BPNT2: variants seen among roughly 807,000 people sequenced by gnomAD.
BPNT2 encodes 3'(2'), 5'-bisphosphate nucleotidase 2, also known as Golgi-resident adenosine 3',5'-bisphosphate 3'-phosphatase.
Under a neutral mutation model 29.3 loss-of-function variants are expected in BPNT2, and 11 were observed. The ratio of observed to expected loss-of-function variants is 0.38; its 90% CI spans 0.24 to 0.62. BPNT2 has a LOEUF of 0.62. Ranked by LOEUF, BPNT2 falls within the 20% of genes least tolerant of loss-of-function variation. The probability of loss-of-function intolerance (pLI) is 0.62; values close to 1 mark genes in which losing one functional copy is unlikely to be tolerated. For missense variants in BPNT2, 459 were observed against 473.4 expected, an observed-to-expected ratio of 0.97 and a Z score of 0.28; for synonymous variants, 195 against 187.7, an observed-to-expected ratio of 1.04 and a Z score of -0.32.
At chr8:56,981,173 A>G (rs777667421) in intron 1 of BPNT2, among the ~76,000 whole-genome samples, 2 of 152,174 alleles carry the variant, frequency 1.3e-5, no homozygotes, top group African/African-American at 4.8e-5. Flanking sequence ...GGACATTGTC[A>G]AGTGCGCCCC....
At position 56,958,860 on chromosome 8, in the gene BPNT2, ATAAACGTGCCCTCC is replaced by A. The variant is rs2129202450; in HGVS notation, c.*4919_*4932del. ...ATGGCACATGGAAATTAAAAAGTCCATAAACGTGCCCTCCTAACACGAGAATAAGAAAGGTGGCT... is the reference window on the plus strand; with the variant it reads ...ATGGCACATGGAAATTAAAAAGTCCATAACACGAGAATAAGAAAGGTGGCT... On this transcript the variant is annotated 3_prime_UTR_variant, in exon 5 of 5. Coordinates refer to ENST00000262644, the MANE Select transcript of BPNT2 (RefSeq NM_017813.5). The A allele has an allele frequency of 6.6e-6, 1 of 152,326 alleles. No homozygotes were observed. Among genetic ancestry groups the A allele is most frequent in the Non-Finnish European group, 1.5e-5 (1 of 68,026 alleles). The allele number at this position is 152,326 out of a possible 1,614,324, so 9.4% of individuals were successfully genotyped here. A position where few individuals can be genotyped will look rare whatever the true frequency, so the allele number is the denominator to read the frequency against.
At chr8:56,984,197 C>T (rs897574393) in intron 1 of BPNT2, among the ~76,000 whole-genome samples, 1 of 152,106 alleles carries the variant, frequency 6.6e-6, no homozygotes, top group Non-Finnish European at 1.5e-5. Context: ...TGAGTATGAG[C>T]GAACACATTA....
In BPNT2 at chr8:56,960,101, A is replaced by C. The variant is rs1404225708; in HGVS notation, c.*3692T>G. The C allele has an allele frequency of 6.6e-6, 1 of 152,222 alleles. No homozygotes were observed. The highest frequency in any genetic ancestry group is 1.5e-5 in the Non-Finnish European group (1 of 68,050). 9.4% of individuals were successfully genotyped at this position (152,222 alleles called of 1,614,324 possible). ...AGGTAGTTACAGCTAGAATAATTCC[A>C]ACAGTTCCTGTTTTAACCTGTCAGA... is the stretch of plus-strand genomic sequence containing the variant. On this transcript the variant is annotated 3_prime_UTR_variant, in exon 5 of 5. Coordinates refer to ENST00000262644, the MANE Select transcript of BPNT2 (RefSeq NM_017813.5).
At chr8:56,974,001 T>TCTC (rs1357789398) in intron 3 of BPNT2, among the ~76,000 whole-genome samples, 1 of 152,122 alleles carries the variant, frequency 6.6e-6, no homozygotes, top group South Asian at 2.1e-4. Flanking sequence ...CCTTTCTCTT[T>TCTC]CTCCTCCTCC....
intron 1 of BPNT2, among the ~76,000 whole-genome samples, chr8:56,987,026 G>A (rs1806337224): frequency 6.6e-6 from 1 of 151,958 alleles, no homozygotes; most frequent in Non-Finnish European, 1.5e-5. Flanking sequence ...GTGTATTTAG[G>A]CTAGTCTTTT....
chr8:56,958,649 C>G lies in BPNT2; in HGVS notation c.*5144G>C, dbSNP rs1270654464. 1.3e-5 allele frequency: 2 copies of G among 152,168 alleles called. No homozygotes were observed. The highest frequency in any genetic ancestry group is 4.8e-5 in the African/African-American group (2 of 41,432). 9.4% of individuals were successfully genotyped at this position (152,168 alleles called of 1,614,324 possible). A position where few individuals can be genotyped will look rare whatever the true frequency, so the allele number is the denominator to read the frequency against. On this transcript the variant is annotated 3_prime_UTR_variant, in exon 5 of 5. Coordinates refer to ENST00000262644, the MANE Select transcript of BPNT2 (RefSeq NM_017813.5). ...AAGAGGCAAGAACATAGATTGAAAA[C>G]TCCATTTCCTAGTTTTAGTGTAAAC...
At chr8:56,982,628 A>T (rs1194189270) in intron 1 of BPNT2, among the ~76,000 whole-genome samples, 5 of 150,936 alleles carry the variant, frequency 3.3e-5, no homozygotes, top group Non-Finnish European at 7.4e-5. Context: ...AGACACATGA[A>T]AAAACATGTA....
chr8:56,957,957 G>A lies in BPNT2; in HGVS notation c.*5836C>T, dbSNP rs2129202247. On this transcript the variant is annotated 3_prime_UTR_variant, in exon 5 of 5. Coordinates refer to ENST00000262644, the MANE Select transcript of BPNT2 (RefSeq NM_017813.5). ...CTTTTAGACATGACCAATTTATTCA[G>A]AGAATTCAAATTTCGTTTGGCAAAG... is the stretch of plus-strand genomic sequence containing the variant. 1 of 152,214 alleles carries A rather than the reference G, an allele frequency of 6.6e-6. No individual in the cohort carries two copies. The highest frequency in any genetic ancestry group is 1.5e-5 in the Non-Finnish European group (1 of 68,024). 9.4% of individuals were successfully genotyped at this position (152,214 alleles called of 1,614,324 possible).
chr8:56,966,279 A>G lies in BPNT2; in HGVS notation c.720T>C (p.Val240=). The part of the protein sequence containing the change: ...SSYNEKTPRI[V]VSRSHSGMVK... The stretch of plus-strand genomic sequence containing the variant: ...CCATCCCTGAATGGGAACGAGACAC[A>G]ACGATCCTTGGGGTCTTCTCATTGT... The change falls in exon 4 of 5, where the codon GTT becomes GTC. Residue 240 remains valine (V), a synonymous_variant. Transcript: ENST00000262644. 1 of 1,614,010 alleles carries G rather than the reference A, an allele frequency of 6.2e-7. No homozygotes were observed. The highest frequency in any genetic ancestry group is 8.5e-7 in the Non-Finnish European group (1 of 1,179,886).
rs755388160 is a variant in BPNT2, at chr8:56,961,536, CAA to C, written c.*2255_*2256del. On this transcript the variant is annotated 3_prime_UTR_variant, in exon 5 of 5. Transcript: ENST00000262644. ...TTTTGCACACAACACACACCCTTCA[CAA>C]AGTCATTATCTAGATGCAGATTAAT... 5.3e-5 allele frequency: 8 copies of C among 152,212 alleles called. No homozygotes were observed. The highest frequency in any genetic ancestry group is 1.9e-4 in the East Asian group (1 of 5,178). The allele number at this position is 152,212 out of a possible 1,614,324, so 9.4% of individuals were successfully genotyped here.
Position 56,959,366 on chromosome 8 carries a change from A to G in BPNT2, c.*4427T>C, listed in dbSNP as rs1464173519. 6.6e-6 allele frequency: 1 copy of G among 152,256 alleles called. No homozygotes were observed. Among genetic ancestry groups the G allele is most frequent in the African/African-American group, 2.4e-5 (1 of 41,476 alleles). The allele number at this position is 152,256 out of a possible 1,614,324, so 9.4% of individuals were successfully genotyped here. A position where few individuals can be genotyped will look rare whatever the true frequency, so the allele number is the denominator to read the frequency against. On this transcript the variant is annotated 3_prime_UTR_variant, in exon 5 of 5. Coordinates refer to ENST00000262644, the MANE Select transcript of BPNT2 (RefSeq NM_017813.5). ...GATGAAATAAAAATAAACGATTTACATAAGCAGTACCTGGTAAAACCAAAA... is the reference window on the plus strand; with the variant it reads ...GATGAAATAAAAATAAACGATTTACGTAAGCAGTACCTGGTAAAACCAAAA...
chr8:56,979,907 A>C, intron 2 of BPNT2, 128 bp downstream of exon 2: 1 of 812,080 alleles, frequency 1.2e-6, no homozygotes, highest in Non-Finnish European at 2.1e-6. Context: ...ACATTTTGCT[A>C]CTACTGTTAA....
Position 56,982,695 on chromosome 8 carries a change from T to C in BPNT2, c.388-2498A>G, listed in dbSNP as rs578083548. 1.6e-4 allele frequency among the ~76,000 whole-genome samples: 24 copies of C among 152,030 alleles called. No homozygotes were observed. The South Asian group carries it at 1.9e-3, about 12-fold the overall frequency. ...AAAGACCAAAAGGACAGAAAGAGTG[T>C]TGTTGGAGAGTAGAGAAAGGACTGT... On this transcript the variant is annotated intron_variant, in intron 1 of 4. Transcript: ENST00000262644.
rs566673601 is a variant in BPNT2 at position 56,963,180 on chromosome 8, T to C, written c.*613A>G. On this transcript the variant is annotated 3_prime_UTR_variant, in exon 5 of 5. Transcript: ENST00000262644. ...GAAATTATTACAATGCAAATCATCA[T>C]GTGTCTCTATTTTCTACCAGCTGGT... is the stretch of plus-strand genomic sequence containing the variant. 20 of 152,814 alleles carry C rather than the reference T, an allele frequency of 1.3e-4. No homozygotes were observed. The highest frequency in any genetic ancestry group is 4.8e-4 in the African/African-American group (20 of 41,568). 9.5% of individuals were successfully genotyped at this position (152,814 alleles called of 1,614,324 possible).
At chr8:56,981,390 C>A (rs534521902) in intron 1 of BPNT2, among the ~76,000 whole-genome samples, 2 of 152,192 alleles carry the variant, frequency 1.3e-5, no homozygotes, top group East Asian at 3.9e-4. Flanking sequence ...CATGGTAAAA[C>A]CCCATCTCTA....
intron 4 of BPNT2, among the ~76,000 whole-genome samples, chr8:56,964,682 T>C (rs987066325): frequency 6.6e-6 from 1 of 152,210 alleles, no homozygotes; most frequent in African/African-American, 2.4e-5. Context: ...ACATTGTGGT[T>C]ATTTTCTATG....
chr8:56,969,208 T>C (rs1805994709), intron 3 of BPNT2, among the ~76,000 whole-genome samples: 1 of 152,224 alleles, frequency 6.6e-6, no homozygotes, highest in African/African-American at 2.4e-5. Flanking sequence ...TGTGGTTAAC[T>C]TGTTACGACA....
At chr8:56,993,105 T>G in intron 1 of BPNT2, 94 bp downstream of exon 1, 1 of 1,530,344 alleles carries the variant, frequency 6.5e-7, no homozygotes, top group Non-Finnish European at 8.8e-7. Flanking sequence ...ATCTACAAAA[T>G]GGAACCAGAA....
chr8:56,979,725 G>T (rs1406550297), intron 2 of BPNT2, among the ~76,000 whole-genome samples: 5 of 152,202 alleles, frequency 3.3e-5, no homozygotes, highest in Admixed American at 2.6e-4. Flanking sequence ...AAGGGGACTG[G>T]AGGGACAGTA....
Sources: gnomAD v4.1 joint callset for allele counts (sites outside exome capture counted in the v4.1 genomes callset) on GRCh38, gnomAD v4.1.1 for gene constraint, MANE v1.5 for transcripts, NCBI Gene and HGNC (gene_info 2026-07-23, HGNC 2026-07-21) for gene names.